The following B3GLCT variants were observed in gnomAD, a reference collection of about 807,000 sequenced individuals.
B3GLCT encodes beta 3-glucosyltransferase.
A neutral mutation model predicts 63.4 loss-of-function variants in B3GLCT; 65 were observed. That is an observed-to-expected ratio of 1.03 (90% confidence interval 0.84 to 1.26). B3GLCT has a LOEUF of 1.26. Ranked by LOEUF, B3GLCT falls within the 50% of genes most tolerant of loss-of-function variation. The probability of loss-of-function intolerance (pLI) is 0.00; values close to 1 mark genes in which losing one functional copy is unlikely to be tolerated. For synonymous variants in B3GLCT, 233 were observed against 219.2 expected, an observed-to-expected ratio of 1.06 and a Z score of -0.55; for missense variants, 577 against 604.8, an observed-to-expected ratio of 0.95 and a Z score of 0.48.
chr13:31,248,235 T>C (rs1226986173), intron 6 of B3GLCT, among the ~76,000 whole-genome samples: 1 of 152,218 alleles, frequency 6.6e-6, no homozygotes, highest in Non-Finnish European at 1.5e-5. Flanking sequence ...AAACTATAAC[T>C]TGAAGTTCAT....
chr13:31,312,485 A>T (rs957739732), intron 12 of B3GLCT: 14 of 152,250 alleles, frequency 9.2e-5, no homozygotes, highest in African/African-American at 3.4e-4. Flanking sequence ...AAAAATAGAA[A>T]GCCCCAAAAC....
At chr13:31,315,866 C>T (rs1055396820) in intron 12 of B3GLCT, among the ~76,000 whole-genome samples, 1 of 152,216 alleles carries the variant, frequency 6.6e-6, no homozygotes, top group African/African-American at 2.4e-5. Context: ...ACTTGGTGCC[C>T]TGTGTCCCAG....
rs148856002 is a variant in B3GLCT at position 31,319,247 on chromosome 13, C to T, written c.1184+1562C>T. On this transcript the variant is annotated intron_variant, in intron 13 of 14. Coordinates refer to ENST00000343307, the MANE Select transcript of B3GLCT (RefSeq NM_194318.4). ...TCTGTGCTCAGCGTCTACCCTGCCC[C>T]TGGGTACTTCCCACCACCTCTAGTT... Among the ~76,000 whole-genome samples, 255 of 152,322 alleles carry T rather than the reference C, an allele frequency of 1.7e-3. 1 individual carries two copies. The highest frequency in any genetic ancestry group is 2.7e-3 in the Non-Finnish European group (182 of 68,038).
chr13:31,269,772 G>A (rs76787256), intron 8 of B3GLCT, among the ~76,000 whole-genome samples: 20 of 152,098 alleles, frequency 1.3e-4, no homozygotes, highest in African/African-American at 4.6e-4. Context: ...AAAAGAGGCC[G>A]CAGGGGGCTT....
chr13:31,314,010 C>T (rs1367009174), intron 12 of B3GLCT, among the ~76,000 whole-genome samples: 1 of 152,192 alleles, frequency 6.6e-6, no homozygotes, highest in South Asian at 2.1e-4. Flanking sequence ...AGCCCCAAGC[C>T]TTGGCAGCTT....
At chr13:31,233,713 G>A (rs1230490963) in intron 4 of B3GLCT, among the ~76,000 whole-genome samples, 4 of 152,192 alleles carry the variant, frequency 2.6e-5, no homozygotes, top group African/African-American at 9.6e-5. Context: ...GTAATGTCTA[G>A]TTGGGTGGCC....
chr13:31,275,869 G>A (rs920869096), intron 9 of B3GLCT, among the ~76,000 whole-genome samples: 2 of 152,096 alleles, frequency 1.3e-5, no homozygotes, highest in South Asian at 4.1e-4. Flanking sequence ...GTTCCAGAGG[G>A]GGAGACCAGT....
At position 31,297,022 on chromosome 13, in the gene B3GLCT, CTTGT is replaced by C. The variant is rs148581707; in HGVS notation, c.1064+10206_1064+10209del. Reference sequence around the variant, plus strand: ...CTCATATAAATGGAATCATACAGTACTTGTTTTTTTTTTTTGTGACTTGCTTATT... The same window carrying C: ...CTCATATAAATGGAATCATACAGTACTTTTTTTTTTTGTGACTTGCTTATT... On this transcript the variant is annotated intron_variant, in intron 12 of 14. Coordinates refer to ENST00000343307, the MANE Select transcript of B3GLCT (RefSeq NM_194318.4). Among the ~76,000 whole-genome samples the C allele has an allele frequency of 5.8e-3, 826 of 142,890 alleles. 11 individuals carry two copies. The highest frequency in any genetic ancestry group is 0.02 in the African/African-American group (793 of 38,946). The allele number at this position is 142,890 out of a possible 152,430, so 93.7% of individuals were successfully genotyped here.
chr13:31,278,553 T>TG (rs1293022277), intron 10 of B3GLCT, among the ~76,000 whole-genome samples: 4 of 152,214 alleles, frequency 2.6e-5, no homozygotes, highest in African/African-American at 9.6e-5. Context: ...TTTTCATATT[T>TG]GGGTTTCTGT....
intron 8 of B3GLCT, among the ~76,000 whole-genome samples, chr13:31,274,287 A>G (rs1021857743): frequency 2.0e-5 from 3 of 152,180 alleles, no homozygotes; most frequent in Non-Finnish European, 2.9e-5. Context: ...CAGAATATTG[A>G]TTCATAGTTA....
At chr13:31,317,779 C>G in intron 13 of B3GLCT, 94 bp downstream of exon 13, 2 of 1,467,272 alleles carry the variant, frequency 1.4e-6, no homozygotes, top group East Asian at 4.6e-5. Context: ...CTATACTGTA[C>G]GTGAGTACTC....
At chr13:31,214,549 G>T (rs1869454903) in intron 1 of B3GLCT, among the ~76,000 whole-genome samples, 1 of 152,134 alleles carries the variant, frequency 6.6e-6, no homozygotes, top group South Asian at 2.1e-4. Context: ...TTCTGTGCTT[G>T]CTGGTAGCAG....
At chr13:31,219,677 T>A (rs1379689496) in intron 2 of B3GLCT, among the ~76,000 whole-genome samples, 1 of 152,164 alleles carries the variant, frequency 6.6e-6, no homozygotes, top group East Asian at 1.9e-4. Flanking sequence ...CACAGGGCTG[T>A]TTTGAAGATT....
chr13:31,283,630 A>G (rs567303597), intron 10 of B3GLCT, among the ~76,000 whole-genome samples: 13 of 151,912 alleles, frequency 8.6e-5, no homozygotes, highest in Non-Finnish European at 1.9e-4. Flanking sequence ...GAAAGAGATT[A>G]TAAAATGATG....
At chr13:31,253,595 C>CAAAAAAAAAAAAAAAAAAAAAAA (rs35512327) in intron 6 of B3GLCT, among the ~76,000 whole-genome samples, 1 of 18,416 alleles carries the variant, frequency 5.4e-5, no homozygotes, top group African/African-American at 3.2e-4. Flanking sequence ...GACTCCATCT[C>CAAAAAAAAAAAAAAAAAAAAAAA]AAAAAAAAAA....
intron 4 of B3GLCT, among the ~76,000 whole-genome samples, chr13:31,245,328 G>A (rs1180777897): frequency 6.6e-6 from 1 of 152,042 alleles, no homozygotes; most frequent in African/African-American, 2.4e-5. Flanking sequence ...CCTATAACTA[G>A]GAAGTATAAT....
At chr13:31,220,582 C>T (rs966164341) in intron 2 of B3GLCT, among the ~76,000 whole-genome samples, 4 of 152,182 alleles carry the variant, frequency 2.6e-5, no homozygotes. Context: ...TTTAATTGTT[C>T]TGTTAATTTA....
Position 31,227,933 on chromosome 13 carries a change from G to A in B3GLCT, c.161-1252G>A, listed in dbSNP as rs141673245. Among the ~76,000 whole-genome samples the A allele has an allele frequency of 3.6e-3, 548 of 152,356 alleles. 5 individuals are homozygous for A. Among genetic ancestry groups the A allele is most frequent in the African/African-American group, 9.9e-3 (410 of 41,584 alleles). On this transcript the variant is annotated intron_variant, in intron 3 of 14. Transcript: ENST00000343307. ...CGACATTCCTGTCTGGTGGCAGGGTGCTGACACAATCACTGTTTTATCCAT... is the reference window on the plus strand; with the variant it reads ...CGACATTCCTGTCTGGTGGCAGGGTACTGACACAATCACTGTTTTATCCAT...
intron 7 of B3GLCT, among the ~76,000 whole-genome samples, chr13:31,262,853 A>T (rs1388579712): frequency 6.6e-6 from 1 of 152,166 alleles, no homozygotes; most frequent in African/African-American, 2.4e-5. Flanking sequence ...TATAGTATAG[A>T]AAGATTTGGT....
Sources: allele counts gnomAD v4.1 joint callset (sites outside exome capture counted in the v4.1 genomes callset), GRCh38; gene constraint gnomAD v4.1.1; transcripts MANE v1.5; gene names NCBI Gene and HGNC (gene_info 2026-07-23, HGNC 2026-07-21).